Variants in SH3KBP1 observed in about 807,000 individuals in gnomAD.
The protein encoded by SH3KBP1 is SH3 domain containing kinase binding protein 1, also known as SH3 domain-containing kinase-binding protein 1.
In SH3KBP1, 8 loss-of-function variants were observed where a neutral mutation model predicts 50.1. The observed-to-expected ratio is 0.16, with a 90% CI of 0.09 to 0.29. SH3KBP1 has a LOEUF of 0.29. SH3KBP1 is among the 10% of genes least tolerant of loss of function. SH3KBP1 has a pLI of 1.00. For missense variants in SH3KBP1, 377 were observed against 535.2 expected (o/e 0.70, Z 2.92); for synonymous variants, 227 against 218.6 (o/e 1.04, Z -0.34).
At chrX:19,716,811 A>G (rs1301693489) in intron 3 of SH3KBP1, among the ~76,000 whole-genome samples, 10 of 111,280 alleles carry the variant, frequency 9.0e-5, no homozygotes, top group African/African-American at 3.3e-4. Flanking sequence ...TCCAGGGTAC[A>G]TGGGTTAAAT....
chrX:19,567,150 G>A (rs752147965), intron 13 of SH3KBP1, among the ~76,000 whole-genome samples: 1 of 109,309 alleles, frequency 9.1e-6, no homozygotes, highest in Admixed American at 9.9e-5. Context: ...CTTAACAAGA[G>A]TAACACAAGG....
intron 2 of SH3KBP1, among the ~76,000 whole-genome samples, chrX:19,782,100 T>C (rs1305266214): frequency 9.0e-6 from 1 of 111,400 alleles, no homozygotes. Context: ...TAGTTAAGGA[T>C]CCTGAGATGA....
At position 19,770,467 on chromosome X, in the gene SH3KBP1, T is replaced by C. The variant is rs145402910; in HGVS notation, c.163-24026A>G. Among the ~76,000 whole-genome samples, 838 of 112,327 alleles carry C rather than the reference T, an allele frequency of 7.5e-3. 10 individuals carry two copies. Among genetic ancestry groups the C allele is most frequent in the African/African-American group, 0.026 (804 of 30,877 alleles). On this transcript the variant is annotated intron_variant, in intron 2 of 17. Transcript: ENST00000397821. ...CTAATGGGCATTTAGGCTGATTTCA[T>C]GTTTTTGCTATTGTGAAGAGTGTGG...
rs370609572 is a variant in SH3KBP1, at chrX:19,866,682, C to T, written c.4+20625G>A. ...TCTAGCCTGCGCAACAGAGCGAGACCCTGTCTCTTTAAAAAAAAAAAAAGA... is the reference window on the plus strand; with the variant it reads ...TCTAGCCTGCGCAACAGAGCGAGACTCTGTCTCTTTAAAAAAAAAAAAAGA... On this transcript the variant is annotated intron_variant, in intron 1 of 17. Transcript: ENST00000397821. Among the ~76,000 whole-genome samples the T allele has an allele frequency of 2.3e-4, 22 of 96,840 alleles. 1 individual carries two copies. In the South Asian group the frequency reaches 4.7e-3, roughly 21 times the overall value. 84.1% of individuals were successfully genotyped at this position (96,840 alleles called of 115,157 possible).
chrX:19,731,033 A>G (rs1408505616), intron 3 of SH3KBP1, among the ~76,000 whole-genome samples: 2 of 111,638 alleles, frequency 1.8e-5, no homozygotes, highest in Non-Finnish European at 3.8e-5. Context: ...TCCGCCTCCC[A>G]GGTTCAAGCG....
At chrX:19,542,336 C>T (rs960938182) in intron 15 of SH3KBP1, 143 bp from the exon 16 acceptor site, 3 of 569,719 alleles carry the variant, frequency 5.3e-6, no homozygotes, top group Non-Finnish European at 7.8e-6. Context: ...ATCCACAAGC[C>T]ACCAAGGGCC....
chrX:19,849,508 G>GT (rs1338405984), intron 1 of SH3KBP1, among the ~76,000 whole-genome samples: 1 of 109,501 alleles, frequency 9.1e-6, no homozygotes, highest in African/African-American at 3.3e-5. Context: ...GGCCAACATG[G>GT]TAAAACCCCG....
At chrX:19,679,997 C>G (rs749390861) in intron 6 of SH3KBP1, among the ~76,000 whole-genome samples, 197 of 111,688 alleles carry the variant, frequency 1.8e-3, no homozygotes, top group Non-Finnish European at 3.1e-3. Flanking sequence ...ATAATCTAAT[C>G]ATTAACTCTG....
chrX:19,596,941 G>C (rs917187550), intron 9 of SH3KBP1, among the ~76,000 whole-genome samples: 3 of 111,266 alleles, frequency 2.7e-5, no homozygotes, highest in African/African-American at 9.8e-5. Context: ...CTGAGGGTTG[G>C]AATCAACTTC....
chrX:19,862,439 G>A (rs1246621673), intron 1 of SH3KBP1, among the ~76,000 whole-genome samples: 2 of 111,339 alleles, frequency 1.8e-5, no homozygotes, highest in African/African-American at 6.5e-5. Flanking sequence ...TAATTTCTTT[G>A]GAATATTGTC....
At chrX:19,842,612 G>C (rs1037223262) in intron 1 of SH3KBP1, among the ~76,000 whole-genome samples, 1 of 110,578 alleles carries the variant, frequency 9.0e-6, no homozygotes, top group Non-Finnish European at 1.9e-5. Flanking sequence ...TGAGGTGGTA[G>C]ACTGTGTTTG....
intron 2 of SH3KBP1, among the ~76,000 whole-genome samples, chrX:19,760,882 T>C (rs747647829): frequency 9.1e-6 from 1 of 109,570 alleles, no homozygotes; most frequent in South Asian, 4.0e-4. Context: ...AAAAACTTTT[T>C]AGTATGCAAC....
At chrX:19,846,561 G>A (rs1432828312) in intron 1 of SH3KBP1, among the ~76,000 whole-genome samples, 1 of 111,477 alleles carries the variant, frequency 9.0e-6, no homozygotes, top group Non-Finnish European at 1.9e-5. Context: ...AAAGACAAGT[G>A]CCTGATTAGA....
intron 7 of SH3KBP1, among the ~76,000 whole-genome samples, chrX:19,642,821 T>C (rs1396492092): frequency 9.1e-6 from 1 of 109,900 alleles, no homozygotes; most frequent in African/African-American, 3.3e-5. Context: ...TTTGAGAGGG[T>C]GGGGATGATA....
intron 14 of SH3KBP1, among the ~76,000 whole-genome samples, chrX:19,547,133 CAA>C (rs1341055220): frequency 1.0e-5 from 1 of 100,097 alleles, no homozygotes; most frequent in Non-Finnish European, 2.0e-5. Flanking sequence ...CCAGCCTGGA[CAA>C]AAGAGTGGGA....
At chrX:19,844,050 G>A (rs1424897065) in intron 1 of SH3KBP1, among the ~76,000 whole-genome samples, 2 of 111,442 alleles carry the variant, frequency 1.8e-5, no homozygotes, top group African/African-American at 6.5e-5. Flanking sequence ...GAGATTCCTA[G>A]CTCGAGCCCA....
At chrX:19,829,324 T>C (rs2067788174) in intron 2 of SH3KBP1, among the ~76,000 whole-genome samples, 1 of 111,828 alleles carries the variant, frequency 8.9e-6, no homozygotes, top group Non-Finnish European at 1.9e-5. Flanking sequence ...ACTCCATTTA[T>C]ACAAAATTCT....
chrX:19,736,219 T>C (rs895200456), intron 3 of SH3KBP1, among the ~76,000 whole-genome samples: 6 of 112,589 alleles, frequency 5.3e-5, no homozygotes, highest in African/African-American at 1.9e-4. Context: ...AGTGACACCC[T>C]ACCCCACTTC....
In SH3KBP1 at chrX:19,542,145, C is replaced by T; in HGVS notation, c.1672G>A (p.Ala558Thr). ...AGAGGGGCTGGCCCACCGCCACCTG[C>T]TGCCATGGTCCCCGGCTTGGGCGGC... is the stretch of plus-strand genomic sequence containing the variant. ...SLPPKPGTMA[A>T]GGGGPAPLSS... The change falls in exon 16 of 18, where the codon GCA becomes ACA. Residue 558 changes from alanine (A) to threonine (T), a missense_variant. This residue lies in a region of SH3KBP1 where 110 missense variants were observed against 124.1 expected (regional missense o/e 0.89). Transcript: ENST00000397821. The T allele has an allele frequency of 8.4e-7, 1 of 1,197,328 alleles. No homozygotes were observed. Among genetic ancestry groups the T allele is most frequent in the Non-Finnish European group, 1.1e-6 (1 of 887,061 alleles).
Sources: allele counts gnomAD v4.1 joint callset (sites outside exome capture counted in the v4.1 genomes callset), GRCh38; gene constraint gnomAD v4.1.1; regional missense constraint gnomAD v4.1.1; transcripts MANE v1.5; gene names NCBI Gene and HGNC (gene_info 2026-07-23, HGNC 2026-07-21).